The following MCTP2 variants were observed in gnomAD, a reference collection of about 807,000 sequenced individuals.
The protein encoded by MCTP2 is multiple C2 and transmembrane domain containing 2, also known as multiple C2 and transmembrane domain-containing protein 2.
A neutral mutation model predicts 111.6 loss-of-function variants in MCTP2; 132 were observed. That is an observed-to-expected ratio of 1.18 (90% CI 1.03 to 1.37). The LOEUF (loss-of-function observed/expected upper bound fraction) is 1.37. MCTP2 is among the 40% of genes most tolerant of loss of function. The pLI, the probability that MCTP2 is intolerant of heterozygous loss-of-function variation, is 0.00. For missense variants in MCTP2, 1,183 were observed against 1,067.9 expected (o/e 1.11, Z -1.50); for synonymous variants, 395 against 387.7 (o/e 1.02, Z -0.22).
At chr15:94,252,514 A>T (rs1052165322) in intron 1 of MCTP2, among the ~76,000 whole-genome samples, 2 of 152,182 alleles carry the variant, frequency 1.3e-5, no homozygotes, top group Non-Finnish European at 2.9e-5. Flanking sequence ...TTGACCTTCA[A>T]TTCTGTTTGA....
At chr15:94,333,786 A>AGGAAGGTAG (rs2077234032) in intron 4 of MCTP2, among the ~76,000 whole-genome samples, 1 of 152,202 alleles carries the variant, frequency 6.6e-6, no homozygotes, top group Admixed American at 6.5e-5. Flanking sequence ...TGAATACAAC[A>AGGAAGGTAG]GTAGGTAAGG....
intron 17 of MCTP2, among the ~76,000 whole-genome samples, chr15:94,423,065 A>G (rs2082703820): frequency 6.6e-6 from 1 of 152,182 alleles, no homozygotes; most frequent in Admixed American, 6.5e-5. Context: ...GTAACTGGGT[A>G]TATGTCTTCT....
chr15:94,298,105 C>T lies in MCTP2; in HGVS notation c.-65-96C>T, dbSNP rs182088854. The T allele has an allele frequency of 1.1e-4, 53 of 502,540 alleles. No individual in the cohort carries two copies. The Admixed American group carries it at 1.3e-3, about 12-fold the overall frequency. The allele number at this position is 502,540 out of a possible 1,614,324, so 31.1% of individuals were successfully genotyped here. A position where few individuals can be genotyped will look rare whatever the true frequency, so the allele number is the denominator to read the frequency against. On this transcript the variant is annotated intron_variant, in intron 1 of 22. Coordinates refer to ENST00000357742, the MANE Select transcript of MCTP2 (RefSeq NM_001385001.1). ...ATTGGAAACTGTAAGATTTTTGAGT[C>T]GTGTTTCTCACTTTGATGTGCCTTA...
At chr15:94,410,746 A>G (rs2082116832) in intron 17 of MCTP2, among the ~76,000 whole-genome samples, 1 of 152,204 alleles carries the variant, frequency 6.6e-6, no homozygotes, top group African/African-American at 2.4e-5. Context: ...GGTACACAGT[A>G]GGCATCTAAT....
At chr15:94,464,244 A>ATATATATATAATATATAT (rs2085400373) in intron 20 of MCTP2, among the ~76,000 whole-genome samples, 1 of 60,426 alleles carries the variant, frequency 1.7e-5, no homozygotes, top group African/African-American at 6.7e-5. Context: ...TATATAATAT[A>ATATATATATAATATATAT]TATATATATA....
chr15:94,398,787 TA>T (rs1181146977), intron 14 of MCTP2, among the ~76,000 whole-genome samples, 173 bp from the exon 15 acceptor site: 1 of 152,256 alleles, frequency 6.6e-6, no homozygotes, highest in Non-Finnish European at 1.5e-5. Context: ...GAGCTTGTTA[TA>T]ACAGCACTCT....
Position 94,320,701 on chromosome 15 carries a change from G to A in MCTP2, c.637+5064G>A, listed in dbSNP as rs191832237. On this transcript the variant is annotated intron_variant, in intron 4 of 22. Transcript: ENST00000357742. ...TGGTGTTCTTCTGGGGCTTGGTGAT[G>A]AAAGTCAGCAAAAAGGATTTATATG... Among the ~76,000 whole-genome samples, 292 of 152,264 alleles carry A rather than the reference G, an allele frequency of 1.9e-3. 1 individual carries two copies. The highest frequency in any genetic ancestry group is 6.7e-3 in the African/African-American group (278 of 41,548).
At chr15:94,348,470 T>C (rs1170272300) in intron 8 of MCTP2, among the ~76,000 whole-genome samples, 1 of 164 alleles carries the variant, frequency 6.1e-3, no homozygotes, top group Non-Finnish European at 0.01. Flanking sequence ...TCCTCTCCTT[T>C]CTCTCTCCTC....
At chr15:94,469,048 A>G (rs2073673241) in intron 20 of MCTP2, among the ~76,000 whole-genome samples, 1 of 152,250 alleles carries the variant, frequency 6.6e-6, no homozygotes, top group Non-Finnish European at 1.5e-5. Context: ...AAAATGGGGC[A>G]GAATTATTAA....
intron 17 of MCTP2, among the ~76,000 whole-genome samples, chr15:94,409,548 C>G (rs1440827092): frequency 6.6e-6 from 1 of 152,088 alleles, no homozygotes; most frequent in Non-Finnish European, 1.5e-5. Flanking sequence ...GTAGTGCAGT[C>G]TAATTCACTC....
chr15:94,318,576 A>G (rs942483444), intron 4 of MCTP2, among the ~76,000 whole-genome samples: 5 of 152,106 alleles, frequency 3.3e-5, no homozygotes, highest in Admixed American at 6.5e-5. Context: ...CCCGGCCAAT[A>G]GTTTTTAAGT....
At chr15:94,414,667 TC>T (rs942913293) in intron 17 of MCTP2, among the ~76,000 whole-genome samples, 21 of 152,104 alleles carry the variant, frequency 1.4e-4, no homozygotes, top group Admixed American at 1.4e-3. Context: ...TATTTGATTT[TC>T]CCCCTTTGCT....
intron 13 of MCTP2, among the ~76,000 whole-genome samples, chr15:94,385,099 G>A (rs1055123713): frequency 1.3e-5 from 2 of 152,086 alleles, no homozygotes; most frequent in Non-Finnish European, 2.9e-5. Context: ...AAATTACTTT[G>A]GTTGGACACT....
chr15:94,252,634 T>G (rs887914300), intron 1 of MCTP2, among the ~76,000 whole-genome samples: 2 of 147,482 alleles, frequency 1.4e-5, no homozygotes, highest in Non-Finnish European at 3.0e-5. Context: ...GTTTACAGAT[T>G]TTTTTTTTTT....
intron 13 of MCTP2, among the ~76,000 whole-genome samples, chr15:94,385,023 A>G (rs1490662439): frequency 1.3e-5 from 2 of 152,160 alleles, no homozygotes; most frequent in African/African-American, 2.4e-5. Context: ...TTTCACCACC[A>G]TTTTATTTTA....
chr15:94,392,324 A>C (rs1436740525), intron 14 of MCTP2, among the ~76,000 whole-genome samples: 1 of 151,932 alleles, frequency 6.6e-6, no homozygotes, highest in Non-Finnish European at 1.5e-5. Flanking sequence ...GTGAGCAGAG[A>C]TAATGCCACT....
intron 1 of MCTP2, among the ~76,000 whole-genome samples, chr15:94,260,096 C>G (rs2073091162): frequency 6.6e-6 from 1 of 152,192 alleles, no homozygotes. Flanking sequence ...AAGGCTCCAC[C>G]TGTACCTCTC....
intron 1 of MCTP2, among the ~76,000 whole-genome samples, chr15:94,296,280 C>T (rs562418240): frequency 8.5e-5 from 13 of 152,254 alleles, no homozygotes; most frequent in South Asian, 8.3e-4. Flanking sequence ...GTATTGCTAA[C>T]GTGAAATTCA....
chr15:94,284,860 T>TA, intron 1 of MCTP2, among the ~76,000 whole-genome samples: 1 of 152,220 alleles, frequency 6.6e-6, no homozygotes, highest in Non-Finnish European at 1.5e-5. Flanking sequence ...AAAAGGCCTT[T>TA]ACAACTATTT....
Sources: gnomAD v4.1 joint callset for allele counts (sites outside exome capture counted in the v4.1 genomes callset) on GRCh38, gnomAD v4.1.1 for gene constraint, MANE v1.5 for transcripts, NCBI Gene and HGNC (gene_info 2026-07-23, HGNC 2026-07-21) for gene names.